CDC42BPA: variants seen among roughly 807,000 people sequenced by gnomAD.
CDC42BPA encodes serine/threonine-protein kinase MRCK alpha.
CDC42BPA carries 80 observed loss-of-function variants against 223.5 expected under a neutral mutation model. That is an observed-to-expected ratio of 0.36 (90% confidence interval 0.30 to 0.43). CDC42BPA has a LOEUF of 0.43. Ranked by LOEUF, CDC42BPA falls within the 20% of genes least tolerant of loss-of-function variation. The pLI, the probability that CDC42BPA is intolerant of heterozygous loss-of-function variation, is 1.00. For missense variants in CDC42BPA, 1,743 were observed against 2,099.9 expected (o/e 0.83, Z 3.32); for synonymous variants, 694 against 718.6 (o/e 0.97, Z 0.55).
Position 227,042,297 on chromosome 1 carries a change from G to GAT in CDC42BPA, c.3094-2063_3094-2062dup, listed in dbSNP as rs10544091. 8.0e-3 allele frequency among the ~76,000 whole-genome samples: 1,184 copies of GAT among 147,688 alleles called. 17 individuals carry two copies. Among genetic ancestry groups the GAT allele is most frequent in the African/African-American group, 0.023 (873 of 38,698 alleles). ...TCCCGAATTGCACATATACATATATGATATATATATATATATATCATACAC... is the reference window on the plus strand; with the variant it reads ...TCCCGAATTGCACATATACATATATGATATATATATATATATATATCATACAC... On this transcript the variant is annotated intron_variant, in intron 23 of 36. Transcript: ENST00000366766.
At chr1:227,095,211 T>C (rs1333915523) in intron 15 of CDC42BPA, among the ~76,000 whole-genome samples, 3 of 152,238 alleles carry the variant, frequency 2.0e-5, no homozygotes, top group South Asian at 2.1e-4. Context: ...ATAACATCTA[T>C]TTGTGTTTCA....
intron 35 of CDC42BPA, among the ~76,000 whole-genome samples, chr1:227,001,014 G>A (rs1662710264): frequency 6.6e-6 from 1 of 152,176 alleles, no homozygotes; most frequent in Non-Finnish European, 1.5e-5. Flanking sequence ...AGGAGGGTCT[G>A]GGAGGCTCCC....
At chr1:227,194,219 C>T (rs1670284454) in intron 4 of CDC42BPA, among the ~76,000 whole-genome samples, 1 of 152,094 alleles carries the variant, frequency 6.6e-6, no homozygotes, top group Non-Finnish European at 1.5e-5. Flanking sequence ...ATCATCTTCA[C>T]CTACAACAAT....
intron 2 of CDC42BPA, among the ~76,000 whole-genome samples, chr1:227,223,787 T>C (rs1056917800): frequency 5.3e-5 from 8 of 152,306 alleles, no homozygotes; most frequent in African/African-American, 1.9e-4. Flanking sequence ...AAAAACAACA[T>C]GAATTCAATA....
chr1:227,315,995 T>TTTATTGACTC (rs891886584), intron 1 of CDC42BPA, among the ~76,000 whole-genome samples: 5 of 150,834 alleles, frequency 3.3e-5, no homozygotes, highest in African/African-American at 1.2e-4. Flanking sequence ...GCACTTGACT[T>TTTATTGACTC]TTACTTCAGG....
At chr1:227,088,956 C>G (rs1030635977) in intron 16 of CDC42BPA, among the ~76,000 whole-genome samples, 1 of 152,078 alleles carries the variant, frequency 6.6e-6, no homozygotes, top group Non-Finnish European at 1.5e-5. Flanking sequence ...AAACTCCTGA[C>G]GTCAAGCGAT....
chr1:227,173,629 A>G (rs1007381945), intron 5 of CDC42BPA, among the ~76,000 whole-genome samples: 1 of 152,146 alleles, frequency 6.6e-6, no homozygotes, highest in African/African-American at 2.4e-5. Flanking sequence ...CTGGCTGGCA[A>G]TACTCGGTAA....
chr1:227,150,544 T>G (rs910730294), intron 6 of CDC42BPA, among the ~76,000 whole-genome samples: 1 of 152,132 alleles, frequency 6.6e-6, no homozygotes, highest in Non-Finnish European at 1.5e-5. Flanking sequence ...AAACTATCGC[T>G]AACATTTCCT....
At chr1:227,217,582 C>T (rs1398732975) in intron 2 of CDC42BPA, among the ~76,000 whole-genome samples, 1 of 152,164 alleles carries the variant, frequency 6.6e-6, no homozygotes, top group Non-Finnish European at 1.5e-5. Flanking sequence ...AAATGTAGCT[C>T]AGATCATGAC....
At position 227,071,719 on chromosome 1, in the gene CDC42BPA, C is replaced by A. The variant is rs1373403774; in HGVS notation, c.2827+489G>T. Among the ~76,000 whole-genome samples the A allele has an allele frequency of 2.2e-4, 11 of 51,116 alleles. 1 individual carries two copies. The highest frequency in any genetic ancestry group is 1.3e-3 in the South Asian group (2 of 1,544). The allele number at this position is 51,116 out of a possible 152,430, so 33.5% of individuals were successfully genotyped here. On this transcript the variant is annotated intron_variant, in intron 20 of 36. Transcript: ENST00000366766. ...CTACCCTGAAAGTGAATCCCACCCC[C>A]CCCCCCCCAATTTTTATACATTCTA... is the stretch of plus-strand genomic sequence containing the variant.
chr1:227,233,249 G>A (rs1678362957), intron 2 of CDC42BPA, among the ~76,000 whole-genome samples: 1 of 152,124 alleles, frequency 6.6e-6, no homozygotes, highest in Non-Finnish European at 1.5e-5. Context: ...ACGTTGGCCA[G>A]GATGGTCTCA....
At chr1:227,147,117 G>A in intron 7 of CDC42BPA, among the ~76,000 whole-genome samples, 1 of 151,970 alleles carries the variant, frequency 6.6e-6, no homozygotes, top group East Asian at 1.9e-4. Flanking sequence ...TACGACCTTT[G>A]TTATTCTACT....
chr1:227,095,046 G>A (rs560483964), intron 15 of CDC42BPA, among the ~76,000 whole-genome samples: 2 of 152,346 alleles, frequency 1.3e-5, no homozygotes, highest in African/African-American at 4.8e-5. Context: ...GAATGGAACT[G>A]CATTGCCTGA....
intron 12 of CDC42BPA, among the ~76,000 whole-genome samples, chr1:227,115,999 A>C (rs1260498669): frequency 1.3e-5 from 2 of 152,222 alleles, no homozygotes; most frequent in Admixed American, 6.5e-5. Flanking sequence ...CCTTGTGCTG[A>C]AAATCTAGCT....
chr1:227,183,204 G>A (rs1044530851), intron 5 of CDC42BPA: 4 of 152,140 alleles, frequency 2.6e-5, no homozygotes, highest in Non-Finnish European at 5.9e-5. Flanking sequence ...AAATGTACAT[G>A]TGTGTACATG....
At chr1:227,037,209 T>G (rs758452563) in intron 24 of CDC42BPA, among the ~76,000 whole-genome samples, 3 of 152,176 alleles carry the variant, frequency 2.0e-5, no homozygotes, top group Non-Finnish European at 4.4e-5. Flanking sequence ...AACTACAAAT[T>G]TTCTCCTTCT....
intron 5 of CDC42BPA, 187 bp downstream of exon 5, chr1:227,193,599 G>A (rs1466071607): frequency 2.4e-5 from 13 of 532,256 alleles, no homozygotes; most frequent in African/African-American, 5.8e-5. Flanking sequence ...CAGGCACATC[G>A]GTTCTGTAAT....
rs59728048 is a variant in CDC42BPA, at chr1:227,060,717, C to CTTTT, written c.2905-8736_2905-8733dup. 1.7e-3 allele frequency among the ~76,000 whole-genome samples: 161 copies of CTTTT among 95,454 alleles called. 2 individuals carry two copies. The highest frequency in any genetic ancestry group is 6.0e-3 in the East Asian group (17 of 2,840). 62.6% of individuals were successfully genotyped at this position (95,454 alleles called of 152,430 possible). A position where few individuals can be genotyped will look rare whatever the true frequency, so the allele number is the denominator to read the frequency against. On this transcript the variant is annotated intron_variant, in intron 21 of 36. Coordinates refer to ENST00000366766, the MANE Select transcript of CDC42BPA (RefSeq NM_001394014.1). ...ACTCTGGCAGGTAAGTAAATAGGTA[C>CTTTT]TTTTTTTTTTTTTTTTTTTTTTTTG...
rs530170855 is a variant in CDC42BPA at position 227,235,720 on chromosome 1, C to T, written c.270+18344G>A. Among the ~76,000 whole-genome samples, 4 of 152,194 alleles carry T rather than the reference C, an allele frequency of 2.6e-5. No homozygotes were observed. The South Asian group carries it at 8.3e-4, about 32-fold the overall frequency. Reference sequence around the variant, plus strand: ...TAATTTCCTAATAAGGACTTTCACACAGACTAGCATTCTACGCAATGCTTG... The same window carrying T: ...TAATTTCCTAATAAGGACTTTCACATAGACTAGCATTCTACGCAATGCTTG... On this transcript the variant is annotated intron_variant, in intron 2 of 36. Transcript: ENST00000366766.
Sources: allele counts gnomAD v4.1 joint callset (sites outside exome capture counted in the v4.1 genomes callset), GRCh38; gene constraint gnomAD v4.1.1; transcripts MANE v1.5; gene names NCBI Gene and HGNC (gene_info 2026-07-23, HGNC 2026-07-21).